Variants in UBR1 observed in about 807,000 individuals in gnomAD.
UBR1 encodes the protein ubiquitin protein ligase E3 component n-recognin 1, also known as E3 ubiquitin-protein ligase UBR1.
Under a neutral mutation model 242.1 loss-of-function variants are expected in UBR1, and 102 were observed. That is an observed-to-expected ratio of 0.42 (90% CI 0.36 to 0.50). The LOEUF is 0.50. Ranked by LOEUF, UBR1 falls within the 20% of genes least tolerant of loss-of-function variation. The probability of loss-of-function intolerance (pLI) is 0.01; values close to 1 mark genes in which losing one functional copy is unlikely to be tolerated. For missense variants in UBR1, 1,772 were observed against 2,101.8 expected (o/e 0.84, Z 3.07); for synonymous variants, 675 against 684.8 (o/e 0.99, Z 0.22).
At chr15:42,974,203 T>C (rs2032253399) in intron 39 of UBR1, among the ~76,000 whole-genome samples, 1 of 152,188 alleles carries the variant, frequency 6.6e-6, no homozygotes, top group Non-Finnish European at 1.5e-5. Context: ...GTAGGAGTTT[T>C]ATAGTTTTGC....
At chr15:43,073,954 C>T (rs2033855996) in intron 4 of UBR1, among the ~76,000 whole-genome samples, 1 of 152,112 alleles carries the variant, frequency 6.6e-6, no homozygotes, top group African/African-American at 2.4e-5. Context: ...GTTTAAAGAG[C>T]GCAAAAACTA....
intron 17 of UBR1, 147 bp downstream of exon 17, chr15:43,037,626 T>C: frequency 1.4e-6 from 1 of 695,462 alleles, no homozygotes; most frequent in Non-Finnish European, 2.5e-6. Flanking sequence ...GTCTATATAG[T>C]TCCTAGAACT....
At position 43,068,051 on chromosome 15, in the gene UBR1, AC is replaced by A. The variant is rs755087125; in HGVS notation, c.660-16del. On this transcript the variant is annotated splice_polypyrimidine_tract_variant and intron_variant, in intron 5 of 46. Transcript: ENST00000290650. Reference sequence around the variant, plus strand: ...CATTTTTCTCCCTGTTAGAAAAAAAACATATATATTTGGATACTACAACAAA... The same window carrying A: ...CATTTTTCTCCCTGTTAGAAAAAAAAATATATATTTGGATACTACAACAAA... 2.2e-5 allele frequency: 35 copies of A among 1,592,318 alleles called. No homozygotes were observed. In the African/African-American group the frequency reaches 2.3e-4, roughly 10 times the overall value.
chr15:43,065,007 A>AATATT (rs2033734983), intron 6 of UBR1, among the ~76,000 whole-genome samples: 2 of 152,232 alleles, frequency 1.3e-5, no homozygotes, highest in Non-Finnish European at 2.9e-5. Flanking sequence ...TCTGAATGAG[A>AATATT]CAGGGTATAA....
At chr15:42,947,118 C>G (rs1366037835) in intron 46 of UBR1, among the ~76,000 whole-genome samples, 1 of 151,936 alleles carries the variant, frequency 6.6e-6, no homozygotes, top group Non-Finnish European at 1.5e-5. Flanking sequence ...GCCTGGGTGA[C>G]AGAGTGAGAG....
At chr15:43,092,161 C>CA (rs1450205021) in intron 1 of UBR1, 1 of 346,120 alleles carries the variant, frequency 2.9e-6, no homozygotes, top group Non-Finnish European at 5.9e-6. Flanking sequence ...CCCTCTCCAT[C>CA]AGTCTCACTA....
chr15:43,101,992 A>AAAAAC (rs1491023877), intron 1 of UBR1, among the ~76,000 whole-genome samples: 1 of 149,218 alleles, frequency 6.7e-6, no homozygotes, highest in African/African-American at 2.5e-5. Flanking sequence ...AAAAAAAAAA[A>AAAAAC]AGCCAGGCAT....
At chr15:42,970,726 CT>C (rs879184221) in intron 39 of UBR1, 119 bp from the exon 40 acceptor site, 80,691 of 681,946 alleles carry the variant, frequency 0.12, 23 homozygotes, top group East Asian at 0.19. Flanking sequence ...AGGTTCTTTC[CT>C]TTTTTTTTTT....
At chr15:43,050,186 C>G (rs1484731303) in intron 12 of UBR1, among the ~76,000 whole-genome samples, 3 of 151,988 alleles carry the variant, frequency 2.0e-5, no homozygotes, top group Admixed American at 2.0e-4. Context: ...TGGCCTCAAG[C>G]AATCCTCCTG....
intron 16 of UBR1, 67 bp from the exon 17 acceptor site, chr15:43,037,950 C>G (rs2033359102): frequency 2.8e-6 from 4 of 1,436,644 alleles, no homozygotes; most frequent in Non-Finnish European, 3.9e-6. Flanking sequence ...AGTTATGCCA[C>G]TACATATTCT....
rs148375509 is a variant in UBR1 at position 42,998,184 on chromosome 15, A to G, written c.3741T>C (p.Asn1247=). 2 of 1,613,630 alleles carry G rather than the reference A, an allele frequency of 1.2e-6. No individual in the cohort carries two copies. Among genetic ancestry groups the G allele is most frequent in the Non-Finnish European group, 8.5e-7 (1 of 1,179,780 alleles). ...QTVLARISGY[N]IRHAKGENPI... is the part of the protein sequence containing the mutation. ...TAAGCAAACCTTTAGCATGTCTTAT[A>G]TTATAACCTGATATTCTGGCCAGAA... is the stretch of plus-strand genomic sequence containing the variant. Residue 1247 remains asparagine, a synonymous_variant, in exon 33 of 47, where the codon AAT becomes AAC. Transcript: ENST00000290650.
chr15:42,952,297 C>T lies in UBR1; in HGVS notation c.4987G>A (p.Gly1663Arg), dbSNP rs1336388891. ...ACTCACTTTAGGAAAATGCAGACTC[C>T]GGCTCCACAGTGAAGTGCGTGAAAA... Reference protein sequence around the residue: ...CIFHALHCGAGVCIFLKIREC... With the variant: ...CIFHALHCGARVCIFLKIREC... The change falls in exon 45 of 47, where the codon GGA (glycine) becomes AGA (arginine). Residue 1663 changes from glycine (G) to arginine (R), a missense_variant. By Grantham distance (125) the Gly-to-Arg change is moderately radical. Coordinates refer to ENST00000290650, the MANE Select transcript of UBR1 (RefSeq NM_174916.3). 18 of 1,613,970 alleles carry T rather than the reference C, an allele frequency of 1.1e-5. No homozygotes were observed. Among genetic ancestry groups the T allele is most frequent in the Non-Finnish European group, 1.4e-5 (17 of 1,180,046 alleles).
chr15:42,966,774 T>A (rs148952135), intron 40 of UBR1, among the ~76,000 whole-genome samples: 1 of 152,080 alleles, frequency 6.6e-6, no homozygotes, highest in Non-Finnish European at 1.5e-5. Context: ...TATTTTACCA[T>A]GTGGATTTTT....
At chr15:43,027,527 T>C (rs1255200393) in intron 22 of UBR1, among the ~76,000 whole-genome samples, 1 of 152,118 alleles carries the variant, frequency 6.6e-6, no homozygotes, top group Non-Finnish European at 1.5e-5. Flanking sequence ...TTCATTTACT[T>C]ACTATCTAAA....
chr15:42,987,413 T>TG (rs1421488046), intron 35 of UBR1, among the ~76,000 whole-genome samples: 3 of 152,068 alleles, frequency 2.0e-5, no homozygotes, highest in African/African-American at 7.2e-5. Context: ...AGGAAGGCTT[T>TG]GGGAAAAAAT....
intron 44 of UBR1, among the ~76,000 whole-genome samples, chr15:42,954,555 C>A (rs891013180): frequency 6.6e-6 from 1 of 152,008 alleles, no homozygotes; most frequent in Non-Finnish European, 1.5e-5. Flanking sequence ...CAAAGAGGGG[C>A]TCTTTAAGAC....
chr15:43,092,293 T>C (rs146576026), intron 1 of UBR1, among the ~76,000 whole-genome samples: 51 of 152,224 alleles, frequency 3.4e-4, no homozygotes, highest in African/African-American at 1.2e-3. Context: ...TTAATTCTAA[T>C]ACAGTATTTG....
rs2033167095 is a variant in UBR1, at chr15:43,025,495, C to T, written c.2536-66G>A. 8 of 1,294,748 alleles carry T rather than the reference C, an allele frequency of 6.2e-6. No individual in the cohort carries two copies. The East Asian group carries it at 1.9e-4, about 30-fold the overall frequency. 80.2% of individuals were successfully genotyped at this position (1,294,748 alleles called of 1,614,324 possible). On this transcript the variant is annotated intron_variant, in intron 23 of 46. Transcript: ENST00000290650. ...ATGAAACAAATGAAATACATTAAAGCAGTCAGGAAAGACCCAACCACCTAT... is the reference window on the plus strand; with the variant it reads ...ATGAAACAAATGAAATACATTAAAGTAGTCAGGAAAGACCCAACCACCTAT...
chr15:42,948,426 C>T (rs1038736229), intron 46 of UBR1, among the ~76,000 whole-genome samples: 11 of 152,140 alleles, frequency 7.2e-5, no homozygotes, highest in Non-Finnish European at 1.3e-4. Context: ...CCAAAATTGA[C>T]AAATAGGATC....
Sources: allele counts gnomAD v4.1 joint callset (sites outside exome capture counted in the v4.1 genomes callset), GRCh38; gene constraint gnomAD v4.1.1; transcripts MANE v1.5; gene names NCBI Gene and HGNC (gene_info 2026-07-23, HGNC 2026-07-21).